ECE2: variants seen among roughly 807,000 people sequenced by gnomAD.
The protein encoded by ECE2 is endothelin-converting enzyme 2.
A neutral mutation model predicts 100.6 loss-of-function variants in ECE2; 81 were observed. The ratio of observed to expected loss-of-function variants is 0.81; its 90% CI spans 0.67 to 0.97. The LOEUF (loss-of-function observed/expected upper bound fraction) is 0.97, where lower values mean the gene tolerates loss of function less well. Among genes scored for constraint, ECE2 ranks in the 50% least tolerant of loss-of-function variants. The pLI is 0.00. For missense variants in ECE2, 911 were observed against 988.1 expected, an observed-to-expected ratio of 0.92 and a Z score of 1.05; for synonymous variants, 391 against 391.5, an observed-to-expected ratio of 1.00 and a Z score of 0.02.
chr3:184,290,533 A>G lies in ECE2; in HGVS notation c.1656-24A>G, dbSNP rs376308567. On this transcript the variant is annotated intron_variant, in intron 14 of 18. Coordinates refer to ENST00000404464, the MANE Select transcript of ECE2 (RefSeq NM_001100121.2). ...CAGTGTCAGGAGAGTCGGGAGCCTC[A>G]GCCCCTCACTCTTCCTCCGCCAGGT... 3.7e-6 allele frequency: 6 copies of G among 1,607,702 alleles called. No individual in the cohort carries two copies. In the African/African-American group the frequency reaches 6.7e-5, roughly 18 times the overall value.
At position 184,277,007 on chromosome 3, in the gene ECE2, T is replaced by G. The variant is rs200367719; in HGVS notation, c.242T>G (p.Leu81Arg). The change falls in exon 3 of 19, where the codon CTA becomes CGA. Residue 81 changes from leucine to arginine, a missense_variant. Physicochemically the swap from Leu to Arg is moderately radical, Grantham distance 102 (BLOSUM62 -2). Coordinates refer to ENST00000404464, the MANE Select transcript of ECE2 (RefSeq NM_001100121.2). ...CTGCTTCTGGGCTGCCTTGTGGCCCTAGGGGTCCAGTACCACAGAGGTAGG... is the reference window on the plus strand; with the variant it reads ...CTGCTTCTGGGCTGCCTTGTGGCCCGAGGGGTCCAGTACCACAGAGGTAGG... ...AALLLGCLVA[L>R]GVQYHRDPSH... 1 of 1,614,036 alleles carries G rather than the reference T, an allele frequency of 6.2e-7. No individual in the cohort carries two copies. Among genetic ancestry groups the G allele is most frequent in the South Asian group, 1.1e-5 (1 of 91,088 alleles).
Position 184,292,042 on chromosome 3 carries a change from A to G in ECE2, c.2122-20A>G. 2 of 1,601,384 alleles carry G rather than the reference A, an allele frequency of 1.2e-6. No individual in the cohort carries two copies. Among genetic ancestry groups the G allele is most frequent in the Non-Finnish European group, 8.5e-7 (1 of 1,171,412 alleles). ...TCCACACTAGACACCATATGCCCCC[A>G]TGTCTGTCCTGGCCCGCAGGTGTGG... On this transcript the variant is annotated intron_variant, in intron 18 of 18. Transcript: ENST00000404464.
rs747816968 is a variant in ECE2 at position 184,283,911 on chromosome 3, C to T, written c.943C>T (p.Pro315Ser). ...GATACAGCTGGCCAACATCACAGTGCCCCAGGACCAGCGGCGCGACGAGGA... is the reference window on the plus strand; with the variant it reads ...GATACAGCTGGCCAACATCACAGTGTCCCAGGACCAGCGGCGCGACGAGGA... ...LEIQLANITVPQDQRRDEEKI... is the reference protein window; with the variant it reads ...LEIQLANITVSQDQRRDEEKI... Residue 315 changes from proline (P) to serine (S), a missense_variant, in exon 8 of 19, where the codon CCC becomes TCC. By Grantham distance (74) the Pro-to-Ser change is moderately conservative (BLOSUM62 -1). Transcript: ENST00000404464. 1.9e-6 allele frequency: 3 copies of T among 1,613,954 alleles called. No homozygotes were observed. Among genetic ancestry groups the T allele is most frequent in the Non-Finnish European group, 2.5e-6 (3 of 1,179,994 alleles).
chr3:184,291,963 C>A lies in ECE2; in HGVS notation c.2122-99C>A. 7.2e-7 allele frequency: 1 copy of A among 1,380,656 alleles called. No individual in the cohort carries two copies. The highest frequency in any genetic ancestry group is 9.9e-7 in the Non-Finnish European group (1 of 1,006,152). 85.5% of individuals were successfully genotyped at this position (1,380,656 alleles called of 1,614,324 possible). On this transcript the variant is annotated intron_variant, in intron 18 of 18. Transcript: ENST00000404464. This position sits in a 1 kb window ranked among gnomAD's most constrained non-coding sequence, Gnocchi z 4.1. ...TTTGGAAGGAACTTGGGAGGGGCTGCAGCGGTGGTGGTTTGTGCCCCTGGG... is the reference window on the plus strand; with the variant it reads ...TTTGGAAGGAACTTGGGAGGGGCTGAAGCGGTGGTGGTTTGTGCCCCTGGG...
In ECE2 at chr3:184,277,919, C is replaced by A. The variant is rs1316430062; in HGVS notation, c.479-6C>A. On this transcript the variant is annotated splice_polypyrimidine_tract_variant and splice_region_variant and intron_variant, in intron 4 of 18. Coordinates refer to ENST00000404464, the MANE Select transcript of ECE2 (RefSeq NM_001100121.2). Reference sequence around the variant, plus strand: ...TGCCACCTGGATCCTGTGTTCTGCCCCACAGAAAACACCACCTTCAACTCC... The same window carrying A: ...TGCCACCTGGATCCTGTGTTCTGCCACACAGAAAACACCACCTTCAACTCC... 1.9e-6 allele frequency: 3 copies of A among 1,611,378 alleles called. No homozygotes were observed. Among genetic ancestry groups the A allele is most frequent in the South Asian group, 2.2e-5 (2 of 90,958 alleles).
rs1359071878 is a variant in ECE2 at position 184,290,821 on chromosome 3, G to T, written c.1795G>T (p.Val599Phe). The T allele has an allele frequency of 6.2e-7, 1 of 1,614,178 alleles. No individual in the cohort carries two copies. The highest frequency in any genetic ancestry group is 1.7e-5 in the Admixed American group (1 of 60,028). Reference sequence around the variant, plus strand: ...CCTGAACTTCGGTGGCATCGGTGTGGTCATGGGCCATGAGTTGACGCATGC... The same window carrying T: ...CCTGAACTTCGGTGGCATCGGTGTGTTCATGGGCCATGAGTTGACGCATGC... Reference protein sequence around the residue: ...KALNFGGIGVVMGHELTHAFD... With the variant: ...KALNFGGIGVFMGHELTHAFD... The change falls in exon 16 of 19, where the codon GTC becomes TTC. Residue 599 changes from valine to phenylalanine, a missense_variant. Transcript: ENST00000404464.
chr3:184,277,416 C>A lies in ECE2; in HGVS notation c.428C>A (p.Thr143Asn). 1 of 1,614,246 alleles carries A rather than the reference C, an allele frequency of 6.2e-7. No homozygotes were observed. Reference protein sequence around the residue: ...PLPDGRSRWNTFNSLWDQNQA... With the variant: ...PLPDGRSRWNNFNSLWDQNQA... ...CCCGATGGGCGTTCTCGCTGGAACA[C>A]CTTCAACAGCCTCTGGGACCAAAAC... Residue 143 changes from threonine to asparagine, a missense_variant, in exon 4 of 19, where the codon ACC becomes AAC. Transcript: ENST00000404464.
chr3:184,280,431 T>C (rs1280163818), intron 7 of ECE2, among the ~76,000 whole-genome samples: 2 of 152,162 alleles, frequency 1.3e-5, no homozygotes, highest in Non-Finnish European at 2.9e-5. Context: ...CTTTTAGACA[T>C]GTGAGTTTGA....
At chr3:184,282,915 C>A (rs984752729) in intron 7 of ECE2, among the ~76,000 whole-genome samples, 1 of 152,188 alleles carries the variant, frequency 6.6e-6, no homozygotes, top group Non-Finnish European at 1.5e-5. Context: ...CCATGCTTTT[C>A]TCTCCCTTGG....
Position 184,283,970 on chromosome 3 carries a change from G to T in ECE2, c.1002G>T (p.Leu334=). 1 of 1,613,596 alleles carries T rather than the reference G, an allele frequency of 6.2e-7. No homozygotes were observed. Among genetic ancestry groups the T allele is most frequent in the Non-Finnish European group, 8.5e-7 (1 of 1,179,902 alleles). The change falls in exon 8 of 19, where the codon CTG becomes CTT. Residue 334 remains leucine, a synonymous_variant. Coordinates refer to ENST00000404464, the MANE Select transcript of ECE2 (RefSeq NM_001100121.2). ...ACCACAAGATGAGCATTTCGGAGCT[G>T]CAGGTGGGGCAGGCAGGGGGCTGGA... is the stretch of plus-strand genomic sequence containing the variant. The part of the protein sequence containing the change: ...KIYHKMSISE[L]QALAPSMDWL...
chr3:184,290,693 G>A (rs761940003), intron 15 of ECE2, 26 bp downstream of exon 15: 16 of 1,613,540 alleles, frequency 9.9e-6, no homozygotes, highest in South Asian at 6.6e-5. Context: ...GAGGGGCTGG[G>A]TGCTGGGGCC....
rs1485993560 is a variant in ECE2, at chr3:184,283,941, A to T, written c.973A>T (p.Ile325Phe). 1.2e-6 allele frequency: 2 copies of T among 1,613,976 alleles called. No individual in the cohort carries two copies. Among genetic ancestry groups the T allele is most frequent in the South Asian group, 2.2e-5 (2 of 91,082 alleles). The change falls in exon 8 of 19, where the codon ATC (isoleucine) becomes TTC (phenylalanine). Residue 325 changes from isoleucine to phenylalanine, a missense_variant. By Grantham distance (21) the Ile-to-Phe change is conservative (BLOSUM62 0). Coordinates refer to ENST00000404464, the MANE Select transcript of ECE2 (RefSeq NM_001100121.2). ...PQDQRRDEEK[I>F]YHKMSISELQ... is the part of the protein sequence containing the mutation. ...GGACCAGCGGCGCGACGAGGAGAAG[A>T]TCTACCACAAGATGAGCATTTCGGA...
rs982784812 is a variant in ECE2 at position 184,277,242 on chromosome 3, C to T, written c.263-9C>T. On this transcript the variant is annotated splice_polypyrimidine_tract_variant and intron_variant, in intron 3 of 18. Coordinates refer to ENST00000404464, the MANE Select transcript of ECE2 (RefSeq NM_001100121.2). ...GTCTCCTACCCTCCGGCCATGTTCC[C>T]TACCACAGACCCATCCCACAGCACC... The T allele has an allele frequency of 1.2e-6, 2 of 1,614,222 alleles. No homozygotes were observed. Among genetic ancestry groups the T allele is most frequent in the Non-Finnish European group, 1.7e-6 (2 of 1,180,012 alleles).
At position 184,290,624 on chromosome 3, in the gene ECE2, G is replaced by C; in HGVS notation, c.1723G>C (p.Ala575Pro). The change falls in exon 15 of 19, where the codon GCT becomes CCT. Residue 575 changes from alanine to proline, a missense_variant. Coordinates refer to ENST00000404464, the MANE Select transcript of ECE2 (RefSeq NM_001100121.2). Reference protein sequence around the residue: ...LPTKNEIVFPAGILQAPFYAR... With the variant: ...LPTKNEIVFPPGILQAPFYAR... Reference sequence around the variant, plus strand: ...AACTAAGAATGAGATCGTCTTCCCCGCTGGCATCCTGCAGGCCCCCTTCTA... The same window carrying C: ...AACTAAGAATGAGATCGTCTTCCCCCCTGGCATCCTGCAGGCCCCCTTCTA... 1.2e-6 allele frequency: 2 copies of C among 1,614,152 alleles called. No homozygotes were observed. Among genetic ancestry groups the C allele is most frequent in the South Asian group, 2.2e-5 (2 of 91,074 alleles).
Position 184,278,515 on chromosome 3 carries a change from G to T in ECE2, c.774G>T (p.Leu258=). ...AGGTGGACCAGTCTGGGCTCTTTCT[G>T]CCCTCTCGGGATTACTACTTAAACA... ...VIQVDQSGLF[L]PSRDYYLNRT... is the part of the protein sequence containing the mutation. The change falls in exon 7 of 19, where the codon CTG becomes CTT. Residue 258 remains leucine, a synonymous_variant. Transcript: ENST00000404464. 6.2e-7 allele frequency: 1 copy of T among 1,614,044 alleles called. No individual in the cohort carries two copies. Among genetic ancestry groups the T allele is most frequent in the Non-Finnish European group, 8.5e-7 (1 of 1,180,020 alleles).
At chr3:184,290,428 G>GA in intron 14 of ECE2, 70 bp downstream of exon 14, 1 of 1,572,044 alleles carries the variant, frequency 6.4e-7, no homozygotes, top group East Asian at 2.2e-5. Flanking sequence ...CTGGGATGGG[G>GA]GAAAAGGGTG....
chr3:184,290,472 C>T lies in ECE2; in HGVS notation c.1656-85C>T, dbSNP rs1721260451. ...GGTCCCAGACCGGCGGCCCCATACC[C>T]TTGCAGGAGGTAGGGCAGGGCTGTT... On this transcript the variant is annotated intron_variant, in intron 14 of 18. Coordinates refer to ENST00000404464, the MANE Select transcript of ECE2 (RefSeq NM_001100121.2). The T allele has an allele frequency of 1.2e-5, 18 of 1,564,480 alleles. No homozygotes were observed. The South Asian group carries it at 1.9e-4, about 17-fold the overall frequency.
intron 11 of ECE2, among the ~76,000 whole-genome samples, chr3:184,288,457 G>A (rs907261218): frequency 1.3e-5 from 2 of 152,034 alleles, no homozygotes; most frequent in African/African-American, 4.8e-5. Flanking sequence ...ATAACTAGAA[G>A]AAATATTTAT....
intron 7 of ECE2, among the ~76,000 whole-genome samples, chr3:184,279,309 C>CAAAAAA (rs60647349): frequency 3.8e-5 from 3 of 79,088 alleles, no homozygotes; most frequent in Non-Finnish European, 4.8e-5. Flanking sequence ...GACTCCGACT[C>CAAAAAA]AAAAAAAAAA....
Sources: gnomAD v4.1 joint callset for allele counts (sites outside exome capture counted in the v4.1 genomes callset) on GRCh38, gnomAD v4.1.1 for gene constraint, Gnocchi (gnomAD v3.1) non-coding constraint, MANE v1.5 for transcripts, NCBI Gene and HGNC (gene_info 2026-07-23, HGNC 2026-07-21) for gene names.